DLGAP2: variants seen among roughly 807,000 people sequenced by gnomAD.
The protein encoded by DLGAP2 is DLG associated protein 2.
DLGAP2 carries 26 observed loss-of-function variants against 100.3 expected under a neutral mutation model. That is an observed-to-expected ratio of 0.26 (90% CI 0.19 to 0.36). The LOEUF (loss-of-function observed/expected upper bound fraction) is 0.36. DLGAP2 is among the 10% of genes least tolerant of loss of function. DLGAP2 has a pLI of 1.00. For missense variants in DLGAP2, 1,858 were observed against 1,453.2 expected, an observed-to-expected ratio of 1.28 and a Z score of -4.53; for synonymous variants, 886 against 630.1, an observed-to-expected ratio of 1.41 and a Z score of -6.08.
chr8:1,436,619 T>G (rs889785693), intron 3 of DLGAP2, among the ~76,000 whole-genome samples: 4 of 152,212 alleles, frequency 2.6e-5, no homozygotes, highest in African/African-American at 9.6e-5. Flanking sequence ...TATTGAGGAA[T>G]GAAAAGTATT....
intron 3 of DLGAP2, among the ~76,000 whole-genome samples, chr8:1,408,177 A>C (rs745991903): frequency 6.6e-6 from 1 of 152,210 alleles, no homozygotes; most frequent in Non-Finnish European, 1.5e-5. Context: ...CTAGCATTTT[A>C]TTCCCGTAGT....
At chr8:1,543,080 A>G (rs1296413700) in intron 4 of DLGAP2, among the ~76,000 whole-genome samples, 2 of 152,238 alleles carry the variant, frequency 1.3e-5, no homozygotes, top group Non-Finnish European at 2.9e-5. Context: ...TGGAGTTGTC[A>G]GATTTATATA....
chr8:836,919 C>T (rs1056399445), intron 1 of DLGAP2, among the ~76,000 whole-genome samples: 1 of 152,248 alleles, frequency 6.6e-6, no homozygotes, highest in African/African-American at 2.4e-5. Flanking sequence ...AGCGCACATG[C>T]ACACACCTGC....
intron 2 of DLGAP2, among the ~76,000 whole-genome samples, chr8:1,209,893 C>T (rs966915187): frequency 6.6e-6 from 1 of 152,172 alleles, no homozygotes; most frequent in East Asian, 1.9e-4. Flanking sequence ...CGTAATCCCA[C>T]CTCCCTCCCT....
chr8:1,344,771 C>A lies in DLGAP2; in HGVS notation c.106+85888C>A, dbSNP rs569332770. ...TTTCTGCACTCCTCCTTGGGGATCACTGGTAACTGAGGCATCTGTGCAGGA... is the reference window on the plus strand; with the variant it reads ...TTTCTGCACTCCTCCTTGGGGATCAATGGTAACTGAGGCATCTGTGCAGGA... On this transcript the variant is annotated intron_variant, in intron 3 of 14. Transcript: ENST00000637795. 6.6e-5 allele frequency among the ~76,000 whole-genome samples: 10 copies of A among 152,306 alleles called. No homozygotes were observed. In the South Asian group the frequency reaches 2.1e-3, roughly 32 times the overall value.
chr8:1,491,341 G>GGAGGCTTTGGGCCGCTCCCCCTGACCCCA (rs1563180226), intron 3 of DLGAP2, among the ~76,000 whole-genome samples: 1 of 147,760 alleles, frequency 6.8e-6, no homozygotes, highest in East Asian at 2.0e-4. Flanking sequence ...TCCTGACCCC[G>GGAGGCTTTGGGCCGCTCCCCCTGACCCCA]GAGGCTTCGG....
chr8:1,625,076 A>G (rs1797458149), intron 6 of DLGAP2, among the ~76,000 whole-genome samples: 1 of 152,220 alleles, frequency 6.6e-6, no homozygotes, highest in Non-Finnish European at 1.5e-5. Flanking sequence ...AGACTGAAGT[A>G]AATCAGAGAA....
chr8:1,173,205 G>A (rs113229837), intron 2 of DLGAP2, among the ~76,000 whole-genome samples: 4,563 of 152,232 alleles, frequency 0.03, 104 homozygotes, highest in Middle Eastern at 0.045. Context: ...GGTTTTTCGT[G>A]AACCGCGAAT....
rs1379847524 is a variant in DLGAP2, at chr8:1,626,776, G to A, written c.1479G>A (p.Val493=). ...TYLQAASDVP[V]GHSLDPAANY... ...TGCAAGCTGCAAGCGATGTGCCTGT[G>A]GGACACAGCCTGGACCCCGCTGCGA... Residue 493 remains valine (V), a synonymous_variant, in exon 7 of 15, where the codon GTG becomes GTA. Transcript: ENST00000637795. 6.2e-7 allele frequency: 1 copy of A among 1,604,150 alleles called. No homozygotes were observed. Among genetic ancestry groups the A allele is most frequent in the Non-Finnish European group, 8.5e-7 (1 of 1,175,732 alleles).
intron 1 of DLGAP2, among the ~76,000 whole-genome samples, chr8:899,941 G>T (rs1489176534): frequency 6.6e-6 from 1 of 152,242 alleles, no homozygotes; most frequent in Non-Finnish European, 1.5e-5. Flanking sequence ...CCCGAGGCCA[G>T]CGGGAACAGC....
chr8:934,699 T>A (rs1253940558), intron 2 of DLGAP2, among the ~76,000 whole-genome samples: 4 of 152,068 alleles, frequency 2.6e-5, no homozygotes, highest in Non-Finnish European at 5.9e-5. Context: ...TCGCTCATGC[T>A]CATGAGCTCA....
chr8:1,653,899 T>C (rs1458681600), intron 8 of DLGAP2, among the ~76,000 whole-genome samples: 1 of 152,236 alleles, frequency 6.6e-6, no homozygotes, highest in African/African-American at 2.4e-5. Flanking sequence ...AACACGGTCT[T>C]AACTCTTGTC....
intron 6 of DLGAP2, among the ~76,000 whole-genome samples, chr8:1,574,343 C>T (rs1176228477): frequency 6.6e-6 from 1 of 152,154 alleles, no homozygotes; most frequent in African/African-American, 2.4e-5. Flanking sequence ...GAACAACAGC[C>T]ATCCCAGCCC....
At position 1,505,209 on chromosome 8, in the gene DLGAP2, T is replaced by G. The variant is rs138762007; in HGVS notation, c.172+3778T>G. On this transcript the variant is annotated intron_variant, in intron 4 of 14. Coordinates refer to ENST00000637795, the MANE Select transcript of DLGAP2 (RefSeq NM_001346810.2). ...TCCCAGTCACGAATTTATGGATCTA[T>G]AATTCTACTGGGTCAAATTAAAATT... Among the ~76,000 whole-genome samples the G allele has an allele frequency of 1.7e-3, 255 of 152,358 alleles. 2 individuals are homozygous for G. The highest frequency in any genetic ancestry group is 0.013 in the East Asian group (68 of 5,190).
At chr8:1,277,290 C>T (rs1490571122) in intron 3 of DLGAP2, among the ~76,000 whole-genome samples, 1 of 152,138 alleles carries the variant, frequency 6.6e-6, no homozygotes, top group Admixed American at 6.5e-5. Context: ...TGTAGCCCCC[C>T]CAGTTATTTG....
intron 2 of DLGAP2, among the ~76,000 whole-genome samples, chr8:1,010,230 A>G (rs1801236535): frequency 6.6e-6 from 1 of 152,196 alleles, no homozygotes; most frequent in Admixed American, 6.5e-5. Flanking sequence ...TTTTATACAC[A>G]CATACACACA....
At chr8:1,038,306 G>A (rs530218899) in intron 2 of DLGAP2, among the ~76,000 whole-genome samples, 2 of 152,096 alleles carry the variant, frequency 1.3e-5, no homozygotes, top group Non-Finnish European at 2.9e-5. Context: ...AAGTGTCCTT[G>A]GGCTCAATTA....
At chr8:1,529,174 G>C (rs187516491) in intron 4 of DLGAP2, among the ~76,000 whole-genome samples, 2 of 152,204 alleles carry the variant, frequency 1.3e-5, no homozygotes, top group African/African-American at 4.8e-5. Flanking sequence ...AGGTGAAGGG[G>C]AAGCAAGGCA....
At chr8:1,542,661 C>G (rs542910039) in intron 4 of DLGAP2, among the ~76,000 whole-genome samples, 32 of 152,338 alleles carry the variant, frequency 2.1e-4, no homozygotes, top group African/African-American at 7.5e-4. Context: ...TTGAGGTCGT[C>G]TCCACTTTTT....
Sources: allele counts gnomAD v4.1 joint callset (sites outside exome capture counted in the v4.1 genomes callset), GRCh38; gene constraint gnomAD v4.1.1; transcripts MANE v1.5; gene names NCBI Gene and HGNC (gene_info 2026-07-23, HGNC 2026-07-21).